The following PHLDB2 variants were observed in gnomAD, a reference collection of about 807,000 sequenced individuals.
The protein encoded by PHLDB2 is pleckstrin homology-like domain family B member 2.
PHLDB2 carries 71 observed loss-of-function variants against 123.6 expected under a neutral mutation model. The ratio of observed to expected loss-of-function variants is 0.57; its 90% confidence interval spans 0.47 to 0.70. PHLDB2 has a LOEUF of 0.70. Among genes scored for constraint, PHLDB2 ranks in the 30% least tolerant of loss-of-function variants. The pLI is 0.00. For synonymous variants in PHLDB2, 547 were observed against 541.6 expected (o/e 1.01, Z -0.14); for missense variants, 1,446 against 1,519.5 (o/e 0.95, Z 0.80).
intron 1 of PHLDB2, among the ~76,000 whole-genome samples, chr3:111,771,942 C>T (rs1367872843): frequency 6.6e-6 from 1 of 152,154 alleles, no homozygotes; most frequent in East Asian, 1.9e-4. Context: ...GTGTTACTTA[C>T]CTCAAAACAT....
intron 1 of PHLDB2, among the ~76,000 whole-genome samples, chr3:111,869,795 C>A (rs558846850): frequency 1.5e-4 from 23 of 152,272 alleles, no homozygotes; most frequent in African/African-American, 5.1e-4. Context: ...AATAAACAAG[C>A]CTCCTTATTT....
chr3:111,907,048 T>G (rs745405465), intron 2 of PHLDB2, among the ~76,000 whole-genome samples: 22 of 152,176 alleles, frequency 1.4e-4, no homozygotes, highest in Non-Finnish European at 2.9e-4. Flanking sequence ...TAAAAACCCC[T>G]CACTTTTATA....
At chr3:111,845,021 G>A (rs2063889458) in intron 1 of PHLDB2, among the ~76,000 whole-genome samples, 1 of 152,164 alleles carries the variant, frequency 6.6e-6, no homozygotes, top group Non-Finnish European at 1.5e-5. Context: ...AACTCTTTGG[G>A]AAGCTCTTGA....
chr3:111,780,315 G>GAACAGGAA (rs754733203), intron 1 of PHLDB2, among the ~76,000 whole-genome samples: 1 of 4,944 alleles, frequency 2.0e-4, no homozygotes, highest in Admixed American at 2.0e-3. Context: ...AAGAGGAAGA[G>GAACAGGAA]GAAGAGGAAG....
chr3:111,953,287 T>C (rs2070826247), intron 11 of PHLDB2, among the ~76,000 whole-genome samples: 1 of 152,174 alleles, frequency 6.6e-6, no homozygotes, highest in African/African-American at 2.4e-5. Context: ...CCTCAGGTTC[T>C]GCCGACATGC....
intron 1 of PHLDB2, among the ~76,000 whole-genome samples, chr3:111,811,037 G>T (rs901323896): frequency 1.3e-5 from 2 of 152,094 alleles, no homozygotes; most frequent in Non-Finnish European, 2.9e-5. Context: ...AAACATCTTT[G>T]CTATTAAACA....
intron 1 of PHLDB2, among the ~76,000 whole-genome samples, chr3:111,793,363 T>G (rs1194242713): frequency 6.6e-6 from 1 of 151,986 alleles, no homozygotes; most frequent in Non-Finnish European, 1.5e-5. Flanking sequence ...GATGTTCACT[T>G]AAGGCCCAAG....
chr3:111,828,779 C>A (rs1440773205), intron 1 of PHLDB2, among the ~76,000 whole-genome samples: 1 of 151,868 alleles, frequency 6.6e-6, no homozygotes, highest in Non-Finnish European at 1.5e-5. Flanking sequence ...TGAGATCTGT[C>A]TCAAAAACAA....
At chr3:111,837,955 T>A (rs1424497633) in intron 1 of PHLDB2, among the ~76,000 whole-genome samples, 3 of 152,008 alleles carry the variant, frequency 2.0e-5, no homozygotes, top group Non-Finnish European at 4.4e-5. Context: ...AGCATGAGAA[T>A]CACTTGAACC....
At chr3:111,895,865 TATCTATCC>T (rs767579630) in intron 2 of PHLDB2, among the ~76,000 whole-genome samples, 364 of 131,088 alleles carry the variant, frequency 2.8e-3, no homozygotes, top group South Asian at 3.9e-3. Flanking sequence ...AAAATCTATC[TATCTATCC>T]ATCTATCTAT....
intron 15 of PHLDB2, among the ~76,000 whole-genome samples, chr3:111,968,403 C>G (rs1235051319): frequency 6.6e-6 from 1 of 152,172 alleles, no homozygotes; most frequent in Admixed American, 6.5e-5. Context: ...TGTATTCAAG[C>G]AAAGTTTGGA....
At chr3:111,886,437 AT>A (rs969019393) in intron 2 of PHLDB2, among the ~76,000 whole-genome samples, 1 of 135,784 alleles carries the variant, frequency 7.4e-6, no homozygotes, top group East Asian at 2.5e-4. Context: ...ACATTATGAG[AT>A]TTTTTTTGCC....
chr3:111,974,811 A>G lies in PHLDB2; in HGVS notation c.*248A>G. ...AGAAAACACTATTTTGATAAATTGG[A>G]TCACTTATAGGAACATTTCTAATAA... On this transcript the variant is annotated 3_prime_UTR_variant, in exon 18 of 18. Coordinates refer to ENST00000431670, the MANE Select transcript of PHLDB2 (RefSeq NM_001134438.2). 3.2e-6 allele frequency: 1 copy of G among 311,202 alleles called. No homozygotes were observed. Among genetic ancestry groups the G allele is most frequent in the Non-Finnish European group, 5.8e-6 (1 of 172,398 alleles). The allele number at this position is 311,202 out of a possible 1,614,324, so 19.3% of individuals were successfully genotyped here. A position where few individuals can be genotyped will look rare whatever the true frequency, so the allele number is the denominator to read the frequency against.
chr3:111,754,879 A>C (rs2059855321), intron 1 of PHLDB2, among the ~76,000 whole-genome samples: 9 of 144,642 alleles, frequency 6.2e-5, no homozygotes. Context: ...GAATTTTGTC[A>C]AAGGCCTTTT....
intron 1 of PHLDB2, among the ~76,000 whole-genome samples, chr3:111,832,687 A>AAT (rs367657994): frequency 2.2e-4 from 20 of 91,264 alleles, no homozygotes; most frequent in Non-Finnish European, 3.7e-4. Context: ...TTATACATAT[A>AAT]ATATATATAA....
At chr3:111,771,349 A>C (rs1336159191) in intron 1 of PHLDB2, among the ~76,000 whole-genome samples, 1 of 58,168 alleles carries the variant, frequency 1.7e-5, no homozygotes, top group Non-Finnish European at 4.0e-5. Flanking sequence ...CACTGCCTTC[A>C]TCTTTTTTTT....
intron 1 of PHLDB2, among the ~76,000 whole-genome samples, chr3:111,805,160 A>T (rs6797063): frequency 1.3e-5 from 2 of 152,144 alleles, no homozygotes; most frequent in South Asian, 2.1e-4. Context: ...GAGATGAAAC[A>T]TAAGTCCACA....
Position 111,884,111 on chromosome 3 carries a change from G to T in PHLDB2, c.34G>T (p.Asp12Tyr). Residue 12 changes from aspartate to tyrosine, a missense_variant, in exon 2 of 18, where the codon GAT becomes TAT. Coordinates refer to ENST00000431670, the MANE Select transcript of PHLDB2 (RefSeq NM_001134438.2). ...GCATAGCTACATACAAAAGGAGCTA[G>T]ATTTACAAAATGGTAGCTTAGAGGA... ...EEHSYIQKEL[D>Y]LQNGSLEEDS... is the part of the protein sequence containing the mutation. 6.2e-7 allele frequency: 1 copy of T among 1,614,002 alleles called. No homozygotes were observed. The highest frequency in any genetic ancestry group is 8.5e-7 in the Non-Finnish European group (1 of 1,179,892).
chr3:111,881,319 A>G (rs2065914116), intron 1 of PHLDB2, among the ~76,000 whole-genome samples: 1 of 152,178 alleles, frequency 6.6e-6, no homozygotes, highest in Admixed American at 6.5e-5. Flanking sequence ...TCCTGGCAGC[A>G]CTTCCAGCAT....
Sources: gnomAD v4.1 joint callset for allele counts (sites outside exome capture counted in the v4.1 genomes callset) on GRCh38, gnomAD v4.1.1 for gene constraint, MANE v1.5 for transcripts, NCBI Gene and HGNC (gene_info 2026-07-23, HGNC 2026-07-21) for gene names.